Variants in LIN7A observed in about 807,000 individuals in gnomAD.
The protein encoded by LIN7A is protein lin-7 homolog A.
A neutral mutation model predicts 29.8 loss-of-function variants in LIN7A; 25 were observed. That is an observed-to-expected ratio of 0.84 (90% CI 0.61 to 1.17). The LOEUF (loss-of-function observed/expected upper bound fraction) is 1.17, where lower values mean the gene tolerates loss of function less well. LIN7A is among the 50% of genes most tolerant of loss of function. LIN7A has a pLI of 0.00. For missense variants in LIN7A, 239 were observed against 287.0 expected, an observed-to-expected ratio of 0.83 and a Z score of 1.21; for synonymous variants, 118 against 107.5, an observed-to-expected ratio of 1.10 and a Z score of -0.60.
In LIN7A at chr12:80,811,681, ACT is replaced by A; in HGVS notation, c.484_485del (p.Ser162CysfsTer7). 2 of 1,606,484 alleles carry A rather than the reference ACT, an allele frequency of 1.2e-6. No homozygotes were observed. The highest frequency in any genetic ancestry group is 1.7e-6 in the Non-Finnish European group (2 of 1,173,778). ...CTTTCTCATGGTGTTCTCCTTCCAC[ACT>A]CTGAAAATACAATGACACTTCTTAA... ...GDQLLSVNGV[S>X]VEGEHHEKAV... is the part of the protein sequence containing the mutation. On this transcript the variant is annotated frameshift_variant and splice_region_variant, in exon 5 of 6. Transcript: ENST00000552864. LOFTEE classifies it high-confidence loss of function.
intron 2 of LIN7A, among the ~76,000 whole-genome samples, chr12:80,870,352 C>T (rs1402995593): frequency 6.6e-6 from 1 of 152,106 alleles, no homozygotes; most frequent in East Asian, 1.9e-4. Flanking sequence ...TACTTGGTAT[C>T]CTTGAGAATT....
intron 2 of LIN7A, among the ~76,000 whole-genome samples, chr12:80,856,257 CT>C (rs1873592842): frequency 6.6e-6 from 1 of 152,138 alleles, no homozygotes; most frequent in South Asian, 2.1e-4. Context: ...CAGCCATCAA[CT>C]TCGATGAAAA....
At chr12:80,868,894 C>A (rs1231406674) in intron 2 of LIN7A, among the ~76,000 whole-genome samples, 1 of 152,050 alleles carries the variant, frequency 6.6e-6, no homozygotes, top group Non-Finnish European at 1.5e-5. Flanking sequence ...ACAGGATCAC[C>A]CTCACAGAAA....
chr12:80,880,560 C>G (rs1390376270), intron 2 of LIN7A, among the ~76,000 whole-genome samples: 2 of 152,134 alleles, frequency 1.3e-5, no homozygotes, highest in Non-Finnish European at 2.9e-5. Context: ...TTATCAGTGT[C>G]TTTCACACGA....
At chr12:80,816,316 C>A (rs1466008608) in intron 4 of LIN7A, among the ~76,000 whole-genome samples, 1 of 151,594 alleles carries the variant, frequency 6.6e-6, no homozygotes, top group Non-Finnish European at 1.5e-5. Context: ...GATGCTGAAC[C>A]AAGAGAATGG....
intron 1 of LIN7A, among the ~76,000 whole-genome samples, chr12:80,907,377 A>G (rs1203136464): frequency 6.6e-6 from 1 of 152,168 alleles, no homozygotes; most frequent in Non-Finnish European, 1.5e-5. Flanking sequence ...TTAACCTACT[A>G]TCTTGATTCA....
intron 1 of LIN7A, among the ~76,000 whole-genome samples, chr12:80,928,737 C>T (rs771340308): frequency 2.0e-5 from 3 of 152,070 alleles, no homozygotes; most frequent in Non-Finnish European, 2.9e-5. Flanking sequence ...TTGCCATTTG[C>T]TTTTGGTGTT....
chr12:80,906,642 G>A (rs79537017), intron 1 of LIN7A, among the ~76,000 whole-genome samples: 1,856 of 152,068 alleles, frequency 0.012, 47 homozygotes, highest in African/African-American at 0.043. Flanking sequence ...CGCAAAGAAG[G>A]GAACATTAGA....
intron 5 of LIN7A, among the ~76,000 whole-genome samples, chr12:80,805,968 C>CT (rs1291583622): frequency 0.16 from 16,461 of 100,176 alleles, 452 homozygotes; most frequent in Non-Finnish European, 0.21. Context: ...ATCCCAGCTA[C>CT]TTGGGAGGCT....
chr12:80,835,133 A>G (rs1872546875), intron 4 of LIN7A, among the ~76,000 whole-genome samples: 1 of 152,184 alleles, frequency 6.6e-6, no homozygotes, highest in Admixed American at 6.5e-5. Context: ...CTCAGCTAGA[A>G]CAGAAGAAGG....
chr12:80,918,293 C>T (rs1190840955), intron 1 of LIN7A, among the ~76,000 whole-genome samples: 1 of 152,062 alleles, frequency 6.6e-6, no homozygotes, highest in South Asian at 2.1e-4. Flanking sequence ...GCGATCCTAC[C>T]CATGTTGGCC....
intron 4 of LIN7A, among the ~76,000 whole-genome samples, chr12:80,837,711 C>T (rs190857608): frequency 2.6e-5 from 4 of 152,222 alleles, no homozygotes; most frequent in East Asian, 3.9e-4. Flanking sequence ...ATACACATAA[C>T]GGAGTTAAAA....
At chr12:80,869,126 A>AGT (rs1294263416) in intron 2 of LIN7A, among the ~76,000 whole-genome samples, 3 of 148,506 alleles carry the variant, frequency 2.0e-5, no homozygotes, top group Non-Finnish European at 4.4e-5. Flanking sequence ...TTTAAACTAA[A>AGT]GTATCTAATA....
intron 4 of LIN7A, among the ~76,000 whole-genome samples, chr12:80,815,675 T>C (rs1325622065): frequency 6.6e-6 from 1 of 152,220 alleles, no homozygotes; most frequent in Non-Finnish European, 1.5e-5. Flanking sequence ...GGTTCTTATA[T>C]GACTTTAAGA....
chr12:80,842,048 T>C (rs1259970884), intron 4 of LIN7A: 15 of 1,285,400 alleles, frequency 1.2e-5, no homozygotes, highest in Non-Finnish European at 1.5e-5. Context: ...TTTCTCTTGG[T>C]GCCTAGGGAT....
chr12:80,867,564 C>T (rs746473998), intron 2 of LIN7A, among the ~76,000 whole-genome samples: 4 of 152,082 alleles, frequency 2.6e-5, no homozygotes, highest in Non-Finnish European at 5.9e-5. Context: ...CATGATCTAA[C>T]AGATAGCTTT....
At chr12:80,855,737 T>C (rs1167955137) in intron 2 of LIN7A, among the ~76,000 whole-genome samples, 3 of 152,156 alleles carry the variant, frequency 2.0e-5, no homozygotes, top group African/African-American at 7.2e-5. Flanking sequence ...TTAAGTGCCC[T>C]GATGTAAATG....
intron 1 of LIN7A, among the ~76,000 whole-genome samples, chr12:80,914,420 A>G (rs1220017444): frequency 2.0e-5 from 3 of 152,196 alleles, no homozygotes; most frequent in African/African-American, 7.2e-5. Flanking sequence ...TAATGTTTAT[A>G]AAGCACGAAT....
intron 1 of LIN7A, among the ~76,000 whole-genome samples, chr12:80,915,559 A>G (rs898195815): frequency 1.3e-5 from 2 of 152,240 alleles, no homozygotes; most frequent in Non-Finnish European, 2.9e-5. Context: ...CCTACCAAAA[A>G]GACACATGAA....
Sources: allele counts gnomAD v4.1 joint callset (sites outside exome capture counted in the v4.1 genomes callset), GRCh38; gene constraint gnomAD v4.1.1; transcripts MANE v1.5; gene names NCBI Gene and HGNC (gene_info 2026-07-23, HGNC 2026-07-21).